Variants in DLGAP2 observed in about 807,000 individuals in gnomAD.
The protein encoded by DLGAP2 is DLG associated protein 2.
In DLGAP2, 26 loss-of-function variants were observed where a neutral mutation model predicts 100.3. The observed-to-expected ratio is 0.26, with a 90% CI of 0.19 to 0.36. DLGAP2 has a LOEUF of 0.36. Ranked by LOEUF, DLGAP2 falls within the 10% of genes least tolerant of loss-of-function variation. The pLI is 1.00. For missense variants in DLGAP2, 1,858 were observed against 1,453.2 expected (o/e 1.28, Z -4.53); for synonymous variants, 886 against 630.1 (o/e 1.41, Z -6.08).
rs1034280699 is a variant in DLGAP2 at position 811,928 on chromosome 8, G to A, written c.18+74103G>A. Among the ~76,000 whole-genome samples the A allele has an allele frequency of 5.3e-5, 8 of 152,260 alleles. No individual in the cohort carries two copies. The South Asian group carries it at 6.2e-4, about 12-fold the overall frequency. On this transcript the variant is annotated intron_variant, in intron 1 of 14. Coordinates refer to ENST00000637795, the MANE Select transcript of DLGAP2 (RefSeq NM_001346810.2). The stretch of plus-strand genomic sequence containing the variant: ...AAGTTGCCTTTACTGTTAGGCAAGC[G>A]TGAATTGGCTTTTCCTTGACTCTCC...
intron 3 of DLGAP2, among the ~76,000 whole-genome samples, chr8:1,363,994 C>T (rs1172927245): frequency 6.6e-6 from 1 of 152,228 alleles, no homozygotes; most frequent in South Asian, 2.1e-4. Flanking sequence ...CCCTCATCCT[C>T]TGTCAGGTGC....
At chr8:1,136,162 G>A (rs561213474) in intron 2 of DLGAP2, among the ~76,000 whole-genome samples, 48 of 152,224 alleles carry the variant, frequency 3.2e-4, no homozygotes, top group African/African-American at 1.1e-3. Context: ...ATCTGGTATT[G>A]CACTGTCCCA....
intron 2 of DLGAP2, among the ~76,000 whole-genome samples, chr8:1,172,750 C>T (rs934299461): frequency 2.6e-5 from 4 of 152,176 alleles, no homozygotes; most frequent in African/African-American, 9.7e-5. Context: ...CCTTTAAGCA[C>T]TTCTCTGTAT....
chr8:1,231,406 A>G (rs1490703427), intron 2 of DLGAP2, among the ~76,000 whole-genome samples: 1 of 152,228 alleles, frequency 6.6e-6, no homozygotes, highest in African/African-American at 2.4e-5. Flanking sequence ...AAATTAGTTC[A>G]GCCATAGTGG....
chr8:1,423,305 C>T (rs529179667), intron 3 of DLGAP2, among the ~76,000 whole-genome samples: 2 of 152,034 alleles, frequency 1.3e-5, no homozygotes, highest in African/African-American at 4.8e-5. Flanking sequence ...GTCCATGGGA[C>T]AGACAGGTTC....
chr8:1,440,771 C>T (rs976004589), intron 3 of DLGAP2, among the ~76,000 whole-genome samples: 1 of 152,168 alleles, frequency 6.6e-6, no homozygotes, highest in African/African-American at 2.4e-5. Context: ...GCAGATGAAC[C>T]TGCAGATGAG....
chr8:1,549,266 C>T lies in DLGAP2; in HGVS notation c.813C>T (p.His271=), dbSNP rs770219072. 18 of 1,611,038 alleles carry T rather than the reference C, an allele frequency of 1.1e-5. No individual in the cohort carries two copies. The African/African-American group carries it at 1.2e-4, about 11-fold the overall frequency. Residue 271 remains histidine, a synonymous_variant, in exon 5 of 15, where the codon CAC becomes CAT. Transcript: ENST00000637795. ...CGGACGACCACCACCACGCCCACCACGCCAAGCACAGCAAGAGGAGCAAGA... is the reference window on the plus strand; with the variant it reads ...CGGACGACCACCACCACGCCCACCATGCCAAGCACAGCAAGAGGAGCAAGA... ...GRADDHHHAH[H]AKHSKRSKSK... is the part of the protein sequence containing the mutation.
At chr8:1,361,394 A>G (rs1269687323) in intron 3 of DLGAP2, among the ~76,000 whole-genome samples, 1 of 152,208 alleles carries the variant, frequency 6.6e-6, no homozygotes, top group Non-Finnish European at 1.5e-5. Context: ...AGTGCTTTAT[A>G]CAAATAAAAA....
intron 5 of DLGAP2, among the ~76,000 whole-genome samples, chr8:1,560,124 TTAAAAA>T (rs1468423943): frequency 6.6e-6 from 1 of 152,216 alleles, no homozygotes; most frequent in Non-Finnish European, 1.5e-5. Context: ...TGTAGACAAT[TTAAAAA>T]TATAAAGAAA....
At chr8:1,348,076 T>A (rs1233039265) in intron 3 of DLGAP2, among the ~76,000 whole-genome samples, 4 of 151,292 alleles carry the variant, frequency 2.6e-5, no homozygotes, top group African/African-American at 7.3e-5. Flanking sequence ...TCATGGTAAC[T>A]GTCTGGAGGC....
intron 8 of DLGAP2, among the ~76,000 whole-genome samples, chr8:1,651,734 C>G (rs1798170055): frequency 6.6e-6 from 1 of 152,214 alleles, no homozygotes; most frequent in Admixed American, 6.5e-5. Flanking sequence ...GTCTGACTTA[C>G]AAGGCAACTG....
intron 3 of DLGAP2, among the ~76,000 whole-genome samples, chr8:1,440,422 C>G (rs1352094079): frequency 6.6e-6 from 1 of 152,176 alleles, no homozygotes; most frequent in African/African-American, 2.4e-5. Context: ...GGATGGCACA[C>G]AGGCACTCCG....
chr8:1,356,160 C>T (rs533743496), intron 3 of DLGAP2, among the ~76,000 whole-genome samples: 1 of 152,294 alleles, frequency 6.6e-6, no homozygotes, highest in African/African-American at 2.4e-5. Context: ...CTGCATGGCT[C>T]TTGCCCTGTG....
rs77164330 is a variant in DLGAP2 at position 1,391,820 on chromosome 8, G to A, written c.107-109546G>A. Among the ~76,000 whole-genome samples the A allele has an allele frequency of 3.6e-3, 553 of 152,348 alleles. 12 individuals are homozygous for A. The East Asian group carries it at 0.051, about 14-fold the overall frequency. ...TCCTTAGAAGAGGTCATTTCATTAA[G>A]CGGAAGCAGCAAATGTGTTGCTGCA... On this transcript the variant is annotated intron_variant, in intron 3 of 14. Transcript: ENST00000637795.
chr8:1,270,740 C>G (rs1259812944), intron 3 of DLGAP2, among the ~76,000 whole-genome samples: 2 of 150,694 alleles, frequency 1.3e-5, no homozygotes, highest in East Asian at 2.0e-4. Context: ...CTCTTTGTGT[C>G]TCTCTGTGTG....
intron 3 of DLGAP2, among the ~76,000 whole-genome samples, chr8:1,434,955 CTGGACTCTTGATCTT>C (rs1797572457): frequency 6.6e-6 from 1 of 152,176 alleles, no homozygotes; most frequent in Non-Finnish European, 1.5e-5. Flanking sequence ...GCCTCTGGCC[CTGGACTCTTGATCTT>C]GTGGATCCAG....
chr8:1,466,877 T>C (rs1798641784), intron 3 of DLGAP2, among the ~76,000 whole-genome samples: 1 of 152,094 alleles, frequency 6.6e-6, no homozygotes, highest in African/African-American at 2.4e-5. Flanking sequence ...TTTTTCTACT[T>C]TTTCTTTTTT....
At chr8:1,578,736 A>G (rs2040984) in intron 6 of DLGAP2, among the ~76,000 whole-genome samples, 84,240 of 152,038 alleles carry the variant, frequency 0.55, 23,853 homozygotes, top group African/African-American at 0.68. Flanking sequence ...ATGTTCTCTA[A>G]CATAGTGCAA....
intron 4 of DLGAP2, among the ~76,000 whole-genome samples, chr8:1,537,458 C>G (rs73672802): frequency 0.024 from 3,725 of 152,242 alleles, 166 homozygotes; most frequent in African/African-American, 0.084. Context: ...TTCTCCCATG[C>G]CTGCCACCAC....
Sources: gnomAD v4.1 joint callset for allele counts (sites outside exome capture counted in the v4.1 genomes callset) on GRCh38, gnomAD v4.1.1 for gene constraint, MANE v1.5 for transcripts, NCBI Gene and HGNC (gene_info 2026-07-23, HGNC 2026-07-21) for gene names.